The following PARN variants were observed in gnomAD, a reference collection of about 807,000 sequenced individuals.
PARN encodes the protein poly(A)-specific ribonuclease, also known as poly(A)-specific ribonuclease PARN.
A neutral mutation model predicts 102.8 loss-of-function variants in PARN; 71 were observed. The observed-to-expected ratio is 0.69, with a 90% CI of 0.57 to 0.84. The LOEUF (loss-of-function observed/expected upper bound fraction) is 0.84, where lower values mean the gene tolerates loss of function less well. Ranked by LOEUF, PARN falls within the 40% of genes least tolerant of loss-of-function variation. The pLI, the probability that PARN is intolerant of heterozygous loss-of-function variation, is 0.00. For synonymous variants in PARN, 261 were observed against 252.9 expected (o/e 1.03, Z -0.30); for missense variants, 782 against 760.9 (o/e 1.03, Z -0.33).
At chr16:14,522,594 G>C (rs1238550501) in intron 21 of PARN, among the ~76,000 whole-genome samples, 1 of 152,102 alleles carries the variant, frequency 6.6e-6, no homozygotes, top group Non-Finnish European at 1.5e-5. Context: ...GGCAGCCCTG[G>C]TGGAAAAAAG....
chr16:14,581,515 A>G, intron 17 of PARN, among the ~76,000 whole-genome samples: 1 of 152,100 alleles, frequency 6.6e-6, no homozygotes, highest in Non-Finnish European at 1.5e-5. Context: ...TATAGGTTCA[A>G]TGTTTGTGTC....
chr16:14,617,578 C>A lies in PARN; in HGVS notation c.388+12G>T, dbSNP rs1390595429. 1 of 1,322,274 alleles carries A rather than the reference C, an allele frequency of 7.6e-7. No homozygotes were observed. Among genetic ancestry groups the A allele is most frequent in the Admixed American group, 1.7e-5 (1 of 59,620 alleles). 81.9% of individuals were successfully genotyped at this position (1,322,274 alleles called of 1,614,324 possible). On this transcript the variant is annotated intron_variant, in intron 6 of 23. Coordinates refer to ENST00000437198, the MANE Select transcript of PARN (RefSeq NM_002582.4). Reference sequence around the variant, plus strand: ...TTTATAAGCTCTAAAGATAGGTTACCCATAATCTTACCATTTCGAAAAACT... The same window carrying A: ...TTTATAAGCTCTAAAGATAGGTTACACATAATCTTACCATTTCGAAAAACT...
At position 14,445,832 on chromosome 16, in the gene PARN, C is replaced by T. The variant is rs190481075; in HGVS notation, c.1864+1056G>A. Among the ~76,000 whole-genome samples, 183 of 152,248 alleles carry T rather than the reference C, an allele frequency of 1.2e-3. 3 individuals carry two copies. The highest frequency in any genetic ancestry group is 4.0e-3 in the African/African-American group (168 of 41,564). On this transcript the variant is annotated intron_variant, in intron 23 of 23. Transcript: ENST00000437198. ...ACCCGTCTTGGCCTCCCAAAGTGCT[C>T]GGATTACAGGCGTGAGCCACCGAGC...
intron 21 of PARN, among the ~76,000 whole-genome samples, chr16:14,505,359 C>A (rs1318459170): frequency 6.6e-6 from 1 of 152,212 alleles, no homozygotes; most frequent in African/African-American, 2.4e-5. Context: ...CGCCTGTAGT[C>A]CCAGCTCCTC....
At chr16:14,509,476 T>G (rs1366515201) in intron 21 of PARN, among the ~76,000 whole-genome samples, 1 of 152,236 alleles carries the variant, frequency 6.6e-6, no homozygotes, top group Non-Finnish European at 1.5e-5. Flanking sequence ...AAATTTTTAT[T>G]GAAATGGTAA....
At chr16:14,546,411 C>A (rs1356930819) in intron 21 of PARN, among the ~76,000 whole-genome samples, 3 of 152,192 alleles carry the variant, frequency 2.0e-5, no homozygotes, top group Non-Finnish European at 4.4e-5. Context: ...GGAATTCATA[C>A]AACTATCTGA....
At chr16:14,482,453 A>G (rs983581667) in intron 22 of PARN, among the ~76,000 whole-genome samples, 185 bp downstream of exon 22, 2 of 152,168 alleles carry the variant, frequency 1.3e-5, no homozygotes, top group Non-Finnish European at 2.9e-5. Flanking sequence ...CAAAATGGCT[A>G]TGGTCTATAA....
chr16:14,496,937 G>C (rs1391949804), intron 21 of PARN, among the ~76,000 whole-genome samples: 1 of 152,082 alleles, frequency 6.6e-6, no homozygotes, highest in Non-Finnish European at 1.5e-5. Context: ...ACAGAACAGT[G>C]CCTGAGACAT....
chr16:14,585,364 G>GTT (rs36030259), intron 14 of PARN, among the ~76,000 whole-genome samples: 37 of 121,108 alleles, frequency 3.1e-4, no homozygotes, highest in South Asian at 2.5e-3. Flanking sequence ...CTATTTCTCT[G>GTT]TTTTTTTTTT....
chr16:14,476,920 G>T (rs1963084207), intron 22 of PARN, among the ~76,000 whole-genome samples: 1 of 152,086 alleles, frequency 6.6e-6, no homozygotes, highest in South Asian at 2.1e-4. Flanking sequence ...CAACCAAAAG[G>T]CAGTAGAATA....
intron 9 of PARN, among the ~76,000 whole-genome samples, chr16:14,607,943 A>G (rs555393244): frequency 6.6e-6 from 1 of 152,330 alleles, no homozygotes; most frequent in East Asian, 1.9e-4. Context: ...CCCTAAGTTA[A>G]GAACTCTTGC....
At chr16:14,549,748 C>A (rs944103868) in intron 21 of PARN, among the ~76,000 whole-genome samples, 1 of 152,218 alleles carries the variant, frequency 6.6e-6, no homozygotes, top group African/African-American at 2.4e-5. Flanking sequence ...GGAGGCCAAG[C>A]AGCTATTTTA....
chr16:14,612,689 T>G (rs1971589908), intron 6 of PARN, among the ~76,000 whole-genome samples: 1 of 151,728 alleles, frequency 6.6e-6, no homozygotes, highest in African/African-American at 2.4e-5. Flanking sequence ...CCGCCACCTC[T>G]CGGGTTCAGG....
intron 21 of PARN, among the ~76,000 whole-genome samples, chr16:14,544,863 A>G (rs779450668): frequency 1.3e-5 from 2 of 152,158 alleles, no homozygotes; most frequent in African/African-American, 2.4e-5. Context: ...AAAAACTGAT[A>G]TAACAACTAA....
At chr16:14,562,727 C>A (rs899066567) in intron 18 of PARN, among the ~76,000 whole-genome samples, 8 of 151,878 alleles carry the variant, frequency 5.3e-5, no homozygotes, top group African/African-American at 1.9e-4. Flanking sequence ...TGTGAATTGG[C>A]CACAAATTAA....
intron 21 of PARN, among the ~76,000 whole-genome samples, chr16:14,486,170 T>A (rs2151602645): frequency 6.6e-6 from 1 of 152,106 alleles, no homozygotes; most frequent in African/African-American, 2.4e-5. Context: ...GCCTGGACAA[T>A]GGGGCAAAAC....
chr16:14,461,340 C>T (rs1961957062), intron 22 of PARN, among the ~76,000 whole-genome samples: 1 of 152,092 alleles, frequency 6.6e-6, no homozygotes. Flanking sequence ...TTGTTAAAAA[C>T]AAAAAAACTT....
chr16:14,435,908 A>T lies in PARN; in HGVS notation c.*809T>A, dbSNP rs1345448938. The T allele has an allele frequency of 4.8e-5, 7 of 145,708 alleles. No homozygotes were observed. The highest frequency in any genetic ancestry group is 6.8e-5 in the Admixed American group (1 of 14,814). The allele number at this position is 145,708 out of a possible 1,614,324, so 9.0% of individuals were successfully genotyped here. A position where few individuals can be genotyped will look rare whatever the true frequency, so the allele number is the denominator to read the frequency against. ...GATTTGCACGATTTCACACACACAC[A>T]CACACACACACACACACACACACAC... On this transcript the variant is annotated 3_prime_UTR_variant, in exon 24 of 24. Coordinates refer to ENST00000437198, the MANE Select transcript of PARN (RefSeq NM_002582.4).
At chr16:14,583,000 T>C (rs1338991048) in intron 16 of PARN, among the ~76,000 whole-genome samples, 2 of 152,192 alleles carry the variant, frequency 1.3e-5, no homozygotes, top group Admixed American at 1.3e-4. Context: ...TACTGTCCTC[T>C]ACTATGTTCC....
Sources: gnomAD v4.1 joint callset for allele counts (sites outside exome capture counted in the v4.1 genomes callset) on GRCh38, gnomAD v4.1.1 for gene constraint, MANE v1.5 for transcripts, NCBI Gene and HGNC (gene_info 2026-07-23, HGNC 2026-07-21) for gene names.